Variants in VMP1 observed in about 807,000 individuals in gnomAD.
VMP1 encodes the protein ectopic P-granules autophagy protein 3 homolog.
VMP1 carries 11 observed loss-of-function variants against 56.0 expected under a neutral mutation model. The ratio of observed to expected loss-of-function variants is 0.20; its 90% CI spans 0.12 to 0.32. The LOEUF is 0.32. Ranked by LOEUF, VMP1 falls within the 10% of genes least tolerant of loss-of-function variation. The probability of loss-of-function intolerance (pLI) is 1.00; values close to 1 mark genes in which losing one functional copy is unlikely to be tolerated. For synonymous variants in VMP1, 149 were observed against 165.0 expected (o/e 0.90, Z 0.74); for missense variants, 296 against 490.3 (o/e 0.60, Z 3.74).
At chr17:59,836,361 C>A (rs926826027) in intron 10 of VMP1, among the ~76,000 whole-genome samples, 2 of 151,876 alleles carry the variant, frequency 1.3e-5, no homozygotes, top group African/African-American at 2.4e-5. Flanking sequence ...CCATTCTCAG[C>A]TCATTTTTGT....
intron 7 of VMP1, among the ~76,000 whole-genome samples, chr17:59,807,036 T>A (rs4622571): frequency 0.44 from 66,638 of 151,798 alleles, 17,240 homozygotes; most frequent in African/African-American, 0.72. Flanking sequence ...ATTTGGTAGG[T>A]CTATTCTACA....
intron 6 of VMP1, among the ~76,000 whole-genome samples, chr17:59,771,173 T>G (rs1427542580): frequency 6.6e-6 from 1 of 151,812 alleles, no homozygotes; most frequent in Non-Finnish European, 1.5e-5. Flanking sequence ...CACCTTTTTT[T>G]TTTTTGAATT....
intron 5 of VMP1, among the ~76,000 whole-genome samples, chr17:59,745,562 CAG>C (rs2035392917): frequency 6.6e-6 from 1 of 152,118 alleles, no homozygotes; most frequent in Non-Finnish European, 1.5e-5. Flanking sequence ...TAGTGATCAA[CAG>C]AATTTTATCC....
rs2034827695 is a variant in VMP1 at position 59,731,620 on chromosome 17, T to C, written c.76+98T>C. On this transcript the variant is annotated intron_variant, in intron 2 of 11. Coordinates refer to ENST00000262291, the MANE Select transcript of VMP1 (RefSeq NM_030938.5). The stretch of plus-strand genomic sequence containing the variant: ...GATATATTACTTCTTTTATTTTTAA[T>C]CTTATATTATCTTCTTAGTAAATTA... The C allele has an allele frequency of 3.7e-6, 3 of 800,518 alleles. No homozygotes were observed. The Admixed American group carries it at 1.3e-4, about 35-fold the overall frequency. 49.6% of individuals were successfully genotyped at this position (800,518 alleles called of 1,614,324 possible). A position where few individuals can be genotyped will look rare whatever the true frequency, so the allele number is the denominator to read the frequency against.
At chr17:59,825,993 C>G (rs1173222928) in intron 10 of VMP1, among the ~76,000 whole-genome samples, 1 of 152,182 alleles carries the variant, frequency 6.6e-6, no homozygotes, top group Non-Finnish European at 1.5e-5. Flanking sequence ...ATTTGATTCT[C>G]TTTGACTTTG....
At chr17:59,830,496 T>TA (rs1193154168) in intron 10 of VMP1, among the ~76,000 whole-genome samples, 3 of 152,220 alleles carry the variant, frequency 2.0e-5, no homozygotes, top group Non-Finnish European at 1.5e-5. Flanking sequence ...GAGGGAATAC[T>TA]AACCCAGCAC....
At position 59,773,857 on chromosome 17, in the gene VMP1, A is replaced by G; in HGVS notation, c.686A>G (p.Glu229Gly). Residue 229 changes from glutamate to glycine, a missense_variant, in exon 7 of 12, where the codon GAG becomes GGG. Around this residue, in one of 4 missense-constraint regions of VMP1, gnomAD observed 126 missense variants for 231.6 expected, o/e 0.54. Transcript: ENST00000262291. Reference protein sequence around the residue: ...PDDEEYQEFEEMLEHAESAQD... With the variant: ...PDDEEYQEFEGMLEHAESAQD... ...GATGAAGAGTATCAGGAATTTGAAG[A>G]GATGCTGGAACATGCAGAGTCTGCA... 6.2e-7 allele frequency: 1 copy of G among 1,613,362 alleles called. No homozygotes were observed. The highest frequency in any genetic ancestry group is 8.5e-7 in the Non-Finnish European group (1 of 1,179,694).
rs1205295782 is a variant in VMP1 at position 59,841,020 on chromosome 17, T to A, written c.*1109T>A. The A allele has an allele frequency of 5.5e-6, 1 of 181,438 alleles. No homozygotes were observed. Among genetic ancestry groups the A allele is most frequent in the Non-Finnish European group, 1.2e-5 (1 of 82,954 alleles). The allele number at this position is 181,438 out of a possible 1,614,324, so 11.2% of individuals were successfully genotyped here. ...TATTCTTAGTGTGATTTTTTTCCAT[T>A]GGGATGTTTTTGATTGAACTTGTTC... On this transcript the variant is annotated 3_prime_UTR_variant, in exon 12 of 12. Coordinates refer to ENST00000262291, the MANE Select transcript of VMP1 (RefSeq NM_030938.5).
intron 8 of VMP1, 126 bp downstream of exon 8, chr17:59,809,002 C>T: frequency 1.3e-6 from 1 of 759,340 alleles, no homozygotes; most frequent in Non-Finnish European, 2.0e-6. Context: ...GAATCATTCA[C>T]CTTTTTTTTT....
chr17:59,814,722 C>T (rs2038167266), intron 9 of VMP1, among the ~76,000 whole-genome samples: 1 of 152,126 alleles, frequency 6.6e-6, no homozygotes, highest in Non-Finnish European at 1.5e-5. Context: ...AAAGCTCTTT[C>T]CCTGTATCTA....
intron 5 of VMP1, among the ~76,000 whole-genome samples, chr17:59,745,346 A>G (rs1050261603): frequency 2.0e-5 from 3 of 152,356 alleles, no homozygotes; most frequent in Admixed American, 6.5e-5. Context: ...CTAGTCAATA[A>G]CCAATAGTGT....
intron 5 of VMP1, among the ~76,000 whole-genome samples, chr17:59,745,928 TG>T (rs1209834173): frequency 6.6e-6 from 1 of 152,212 alleles, no homozygotes; most frequent in Admixed American, 6.5e-5. Context: ...AAGTGAAATA[TG>T]AATTTTTTTT....
chr17:59,799,032 T>C (rs900606129), intron 7 of VMP1, among the ~76,000 whole-genome samples: 1 of 152,256 alleles, frequency 6.6e-6, no homozygotes, highest in African/African-American at 2.4e-5. Flanking sequence ...TTCAGATTTC[T>C]AGTTACATCT....
intron 5 of VMP1, among the ~76,000 whole-genome samples, chr17:59,764,175 A>G (rs1047023506): frequency 5.9e-5 from 9 of 152,220 alleles, no homozygotes; most frequent in South Asian, 4.1e-4. Flanking sequence ...AATTGTGCCT[A>G]AAAGAACAGT....
At chr17:59,807,187 T>C (rs1034863633) in intron 7 of VMP1, among the ~76,000 whole-genome samples, 3 of 150,444 alleles carry the variant, frequency 2.0e-5, no homozygotes, top group Admixed American at 2.0e-4. Context: ...CCAGCTTCTT[T>C]TTTGTTTTTT....
At chr17:59,759,802 CTGTT>C (rs1434488666) in intron 5 of VMP1, among the ~76,000 whole-genome samples, 3 of 151,732 alleles carry the variant, frequency 2.0e-5, no homozygotes, top group South Asian at 2.1e-4. Context: ...TACCCTCAAA[CTGTT>C]TGTCATATCT....
intron 1 of VMP1, among the ~76,000 whole-genome samples, chr17:59,723,853 T>C (rs984628443): frequency 1.3e-5 from 2 of 152,126 alleles, no homozygotes; most frequent in African/African-American, 2.4e-5. Context: ...ATGGGTGAAG[T>C]GTAAATATTT....
intron 7 of VMP1, among the ~76,000 whole-genome samples, chr17:59,808,345 C>T (rs1486731353): frequency 2.0e-5 from 3 of 152,178 alleles, no homozygotes; most frequent in Admixed American, 1.3e-4. Context: ...TGTTCTTTTG[C>T]TTCTGGGATA....
intron 10 of VMP1, among the ~76,000 whole-genome samples, chr17:59,824,718 C>A (rs533633047): frequency 3.4e-5 from 5 of 149,210 alleles, no homozygotes; most frequent in Non-Finnish European, 7.4e-5. Flanking sequence ...ACTAAAAATA[C>A]AAAAATTAGC....
Sources: allele counts gnomAD v4.1 joint callset (sites outside exome capture counted in the v4.1 genomes callset), GRCh38; gene constraint gnomAD v4.1.1; regional missense constraint gnomAD v4.1.1; transcripts MANE v1.5; gene names NCBI Gene and HGNC (gene_info 2026-07-23, HGNC 2026-07-21).